Variants in PCCA observed in about 807,000 individuals in gnomAD.
PCCA encodes the protein propionyl-CoA carboxylase subunit alpha.
Under a neutral mutation model 101.3 loss-of-function variants are expected in PCCA, and 74 were observed. The observed-to-expected ratio is 0.73, with a 90% CI of 0.61 to 0.89. The LOEUF is 0.89. Ranked by LOEUF, PCCA falls within the 40% of genes least tolerant of loss-of-function variation. PCCA has a pLI of 0.00. For missense variants in PCCA, 891 were observed against 907.0 expected, an observed-to-expected ratio of 0.98 and a Z score of 0.23; for synonymous variants, 294 against 313.6, an observed-to-expected ratio of 0.94 and a Z score of 0.66.
intron 1 of PCCA, among the ~76,000 whole-genome samples, chr13:100,100,025 C>G (rs2047131256): frequency 6.6e-6 from 1 of 152,164 alleles, no homozygotes; most frequent in Non-Finnish European, 1.5e-5. Flanking sequence ...GTGACAGTTA[C>G]ATATTTGGAT....
intron 4 of PCCA, among the ~76,000 whole-genome samples, chr13:100,113,180 G>T (rs1350813607): frequency 4.6e-5 from 7 of 152,258 alleles, no homozygotes; most frequent in South Asian, 2.1e-4. Flanking sequence ...ATATAGTATA[G>T]CCTATTCCTC....
chr13:100,199,526 C>T (rs1190969737), intron 6 of PCCA, among the ~76,000 whole-genome samples: 1 of 152,104 alleles, frequency 6.6e-6, no homozygotes, highest in East Asian at 1.9e-4. Flanking sequence ...AGTGGTTTCC[C>T]CCATTCTTGG....
Position 100,262,836 on chromosome 13 carries a change from G to T in PCCA, c.819+5G>T. The T allele has an allele frequency of 6.4e-6, 7 of 1,100,542 alleles. No individual in the cohort carries two copies. The highest frequency in any genetic ancestry group is 9.8e-6 in the Non-Finnish European group (7 of 715,604). The allele number at this position is 1,100,542 out of a possible 1,614,324, so 68.2% of individuals were successfully genotyped here. On this transcript the variant is annotated splice_donor_5th_base_variant and intron_variant, in intron 10 of 23. Transcript: ENST00000376285. ...CCTCGTCATATAGAAATCCAGGTTG[G>T]TACATTTAAGATGCTTTTTCATTAT... is the stretch of plus-strand genomic sequence containing the variant.
chr13:100,131,124 A>T (rs1367393106), intron 4 of PCCA, among the ~76,000 whole-genome samples: 1 of 152,128 alleles, frequency 6.6e-6, no homozygotes, highest in African/African-American at 2.4e-5. Context: ...TGTTGCTCTA[A>T]AGAGAAAAAA....
At chr13:100,492,164 T>C (rs2084952128) in intron 21 of PCCA, among the ~76,000 whole-genome samples, 1 of 152,002 alleles carries the variant, frequency 6.6e-6, no homozygotes, top group Non-Finnish European at 1.5e-5. Context: ...GGACGGAGTC[T>C]CGCTTTGTCG....
intron 21 of PCCA, among the ~76,000 whole-genome samples, chr13:100,465,175 AC>A (rs1033724199): frequency 6.6e-6 from 1 of 151,724 alleles, no homozygotes; most frequent in South Asian, 2.1e-4. Context: ...AGAAAAGCTG[AC>A]CCCCCATGTC....
chr13:100,414,503 ATTGT>A (rs1221177710), intron 19 of PCCA, among the ~76,000 whole-genome samples: 1 of 152,222 alleles, frequency 6.6e-6, no homozygotes, highest in Non-Finnish European at 1.5e-5. Context: ...AGAGCATTAA[ATTGT>A]TTGAGTTTTG....
In PCCA at chr13:100,103,716, A is replaced by G. The variant is rs533330050; in HGVS notation, c.183+756A>G. On this transcript the variant is annotated intron_variant, in intron 2 of 23. Transcript: ENST00000376285. The stretch of plus-strand genomic sequence containing the variant: ...AGTGGTGTGATCTTAGCTCACTGCA[A>G]CCTCCGCCTCCCGGCTTCAAGAGAT... 4.0e-5 allele frequency among the ~76,000 whole-genome samples: 6 copies of G among 150,008 alleles called. No individual in the cohort carries two copies. In the South Asian group the frequency reaches 1.3e-3, roughly 32 times the overall value.
At chr13:100,406,251 T>C (rs1293598484) in intron 19 of PCCA, among the ~76,000 whole-genome samples, 1 of 152,236 alleles carries the variant, frequency 6.6e-6, no homozygotes, top group East Asian at 1.9e-4. Context: ...AAAAGAAAAA[T>C]GGATTCTTAC....
rs577905124 is a variant in PCCA, at chr13:100,479,540, G to A, written c.1899+30235G>A. The A allele has an allele frequency of 3.9e-5, 6 of 152,304 alleles. No individual in the cohort carries two copies. In the South Asian group the frequency reaches 1.2e-3, roughly 32 times the overall value. The allele number at this position is 152,304 out of a possible 1,614,324, so 9.4% of individuals were successfully genotyped here. A position where few individuals can be genotyped will look rare whatever the true frequency, so the allele number is the denominator to read the frequency against. ...TATTCCTGCAATAAAGTAAGCTAGA[G>A]AAAGTGTTAGGAAAATCATAACGAC... On this transcript the variant is annotated intron_variant, in intron 21 of 23. Coordinates refer to ENST00000376285, the MANE Select transcript of PCCA (RefSeq NM_000282.4).
At chr13:100,137,977 C>T (rs1023393120) in intron 4 of PCCA, among the ~76,000 whole-genome samples, 3 of 151,646 alleles carry the variant, frequency 2.0e-5, no homozygotes, top group Admixed American at 2.0e-4. Context: ...TTCGTGGAGT[C>T]GTGGTCTCCC....
intron 18 of PCCA, among the ~76,000 whole-genome samples, chr13:100,349,384 C>T (rs564408389): frequency 6.6e-6 from 1 of 152,314 alleles, no homozygotes; most frequent in East Asian, 1.9e-4. Flanking sequence ...ACCTCGGCCT[C>T]CCAAAGTGCT....
chr13:100,394,557 A>G lies in PCCA; in HGVS notation c.1746+25983A>G, dbSNP rs1267516250. On this transcript the variant is annotated intron_variant, in intron 19 of 23. Coordinates refer to ENST00000376285, the MANE Select transcript of PCCA (RefSeq NM_000282.4). This position sits in a 1 kb window ranked among gnomAD's most constrained non-coding sequence, Gnocchi z 4.3. Reference sequence around the variant, plus strand: ...AAACCCAAAATATAAGATAGAAACCAGTAACTGAATCTGGTAACAGGGTAG... The same window carrying G: ...AAACCCAAAATATAAGATAGAAACCGGTAACTGAATCTGGTAACAGGGTAG... Among the ~76,000 whole-genome samples the G allele has an allele frequency of 6.6e-6, 1 of 152,150 alleles. No individual in the cohort carries two copies. Among genetic ancestry groups the G allele is most frequent in the Non-Finnish European group, 1.5e-5 (1 of 68,024 alleles).
chr13:100,406,433 G>A (rs1298506), intron 19 of PCCA, among the ~76,000 whole-genome samples: 9,122 of 152,180 alleles, frequency 0.06, 836 homozygotes, highest in African/African-American at 0.2. Flanking sequence ...GGCCGGGTGC[G>A]GCCGCTCACG....
chr13:100,223,233 G>A (rs12877833), intron 7 of PCCA, among the ~76,000 whole-genome samples: 207 of 152,148 alleles, frequency 1.4e-3, no homozygotes, highest in Non-Finnish European at 2.5e-3. Context: ...TTCTGTGTCC[G>A]GAATTGGTGG....
intron 6 of PCCA, among the ~76,000 whole-genome samples, chr13:100,173,798 G>A (rs1053427079): frequency 6.6e-6 from 1 of 152,158 alleles, no homozygotes; most frequent in African/African-American, 2.4e-5. Context: ...TGAATCATGG[G>A]GGGCAGGTTT....
intron 21 of PCCA, among the ~76,000 whole-genome samples, chr13:100,513,062 C>G (rs571064876): frequency 6.6e-6 from 1 of 152,386 alleles, no homozygotes; most frequent in South Asian, 2.1e-4. Context: ...GCAGTTCATT[C>G]TGATGGGCCC....
chr13:100,484,647 T>A (rs972394404), intron 21 of PCCA, among the ~76,000 whole-genome samples: 16 of 152,266 alleles, frequency 1.1e-4, no homozygotes, highest in African/African-American at 3.4e-4. Flanking sequence ...CCACTATTGA[T>A]ACCAGTTTCT....
chr13:100,487,113 G>A (rs1172629915), intron 21 of PCCA, among the ~76,000 whole-genome samples: 2 of 152,156 alleles, frequency 1.3e-5, no homozygotes, highest in Non-Finnish European at 2.9e-5. Flanking sequence ...AAAAGTAGCT[G>A]AAATGAAAAA....
Sources: allele counts gnomAD v4.1 joint callset (sites outside exome capture counted in the v4.1 genomes callset), GRCh38; gene constraint gnomAD v4.1.1; non-coding constraint Gnocchi (gnomAD v3.1); transcripts MANE v1.5; gene names NCBI Gene and HGNC (gene_info 2026-07-23, HGNC 2026-07-21).